MACROD2: variants seen among roughly 807,000 people sequenced by gnomAD.
MACROD2 encodes ADP-ribose glycohydrolase MACROD2.
Under a neutral mutation model 70.4 loss-of-function variants are expected in MACROD2, and 36 were observed. The observed-to-expected ratio is 0.51, with a 90% CI of 0.39 to 0.68. The LOEUF is 0.68. Among genes scored for constraint, MACROD2 ranks in the 30% least tolerant of loss-of-function variants. The pLI, the probability that MACROD2 is intolerant of heterozygous loss-of-function variation, is 0.00. For missense variants in MACROD2, 496 were observed against 538.4 expected (o/e 0.92, Z 0.78); for synonymous variants, 172 against 178.8 (o/e 0.96, Z 0.30).
At chr20:14,854,994 C>T (rs8182773) in intron 5 of MACROD2, among the ~76,000 whole-genome samples, 50,222 of 151,592 alleles carry the variant, frequency 0.33, 9,187 homozygotes, top group Non-Finnish European at 0.41. Context: ...CCAGCCTGGG[C>T]GACAGAATGA....
intron 4 of MACROD2, among the ~76,000 whole-genome samples, chr20:14,600,496 T>C (rs1175237762): frequency 6.6e-6 from 1 of 152,060 alleles, no homozygotes; most frequent in African/African-American, 2.4e-5. Flanking sequence ...TACAAAAATT[T>C]TTAAAAAGAA....
At chr20:14,453,724 A>T (rs61600898) in intron 3 of MACROD2, among the ~76,000 whole-genome samples, 4 of 152,150 alleles carry the variant, frequency 2.6e-5, no homozygotes, top group Non-Finnish European at 5.9e-5. Flanking sequence ...GAAATTACCT[A>T]TAGATCCACT....
intron 3 of MACROD2, among the ~76,000 whole-genome samples, chr20:14,201,898 A>G (rs1474224110): frequency 6.6e-6 from 1 of 151,130 alleles, no homozygotes; most frequent in Non-Finnish European, 1.5e-5. Flanking sequence ...AGTGGGATGG[A>G]TATATATATA....
intron 3 of MACROD2, among the ~76,000 whole-genome samples, chr20:14,175,814 T>C (rs1169103540): frequency 6.6e-6 from 1 of 152,236 alleles, no homozygotes; most frequent in African/African-American, 2.4e-5. Flanking sequence ...CTTCAAAAAC[T>C]GTCTTCTGAA....
intron 3 of MACROD2, among the ~76,000 whole-genome samples, chr20:14,255,668 T>C (rs1174790475): frequency 6.8e-6 from 1 of 147,806 alleles, no homozygotes; most frequent in Non-Finnish European, 1.5e-5. Context: ...ACATGTACCC[T>C]AATACTTAAA....
At chr20:14,281,452 C>T (rs1014272690) in intron 3 of MACROD2, among the ~76,000 whole-genome samples, 3 of 152,004 alleles carry the variant, frequency 2.0e-5, no homozygotes, top group Non-Finnish European at 1.5e-5. Flanking sequence ...ATGGGTATAG[C>T]GTTTCTTTTT....
chr20:14,773,626 A>G (rs1396259725), intron 5 of MACROD2, among the ~76,000 whole-genome samples: 1 of 152,080 alleles, frequency 6.6e-6, no homozygotes, highest in Non-Finnish European at 1.5e-5. Context: ...TAGGATGTGT[A>G]TATATGTCAC....
chr20:14,612,084 A>G (rs1210139631), intron 4 of MACROD2, among the ~76,000 whole-genome samples: 2 of 152,106 alleles, frequency 1.3e-5, no homozygotes, highest in Non-Finnish European at 2.9e-5. Context: ...ACTGGGCTCT[A>G]TCTGTTAAGA....
At chr20:15,059,044 T>C (rs2075510503) in intron 5 of MACROD2, among the ~76,000 whole-genome samples, 1 of 152,200 alleles carries the variant, frequency 6.6e-6, no homozygotes, top group Admixed American at 6.5e-5. Flanking sequence ...AAATTTAAAT[T>C]CCAATGTTGC....
intron 5 of MACROD2, among the ~76,000 whole-genome samples, chr20:15,056,593 ATAACTT>A (rs1441447466): frequency 6.6e-6 from 1 of 152,164 alleles, no homozygotes; most frequent in Admixed American, 6.5e-5. Flanking sequence ...TCAACAGTAA[ATAACTT>A]TAACATGGTC....
At chr20:15,164,003 A>G (rs2076365838) in intron 5 of MACROD2, among the ~76,000 whole-genome samples, 1 of 152,132 alleles carries the variant, frequency 6.6e-6, no homozygotes, top group African/African-American at 2.4e-5. Context: ...CAAAAAGTAA[A>G]GTAAATAAAT....
intron 3 of MACROD2, among the ~76,000 whole-genome samples, chr20:14,202,223 A>G (rs1201278664): frequency 6.6e-6 from 1 of 152,128 alleles, no homozygotes; most frequent in Admixed American, 6.5e-5. Flanking sequence ...TCTTTTCTTC[A>G]CCCAAAGTGA....
intron 8 of MACROD2, among the ~76,000 whole-genome samples, chr20:15,545,804 C>G (rs2048018518): frequency 6.6e-6 from 1 of 151,982 alleles, no homozygotes; most frequent in African/African-American, 2.4e-5. Context: ...AGAAATCAAG[C>G]CTATGGCAAA....
At chr20:14,674,822 C>T (rs181368225) in intron 4 of MACROD2, among the ~76,000 whole-genome samples, 2 of 152,292 alleles carry the variant, frequency 1.3e-5, no homozygotes, top group East Asian at 1.9e-4. Context: ...CTGTTGTATC[C>T]TCTTGGGCTT....
chr20:14,664,440 A>C (rs1268307331), intron 4 of MACROD2, among the ~76,000 whole-genome samples: 1 of 152,160 alleles, frequency 6.6e-6, no homozygotes, highest in East Asian at 1.9e-4. Flanking sequence ...TCATCTTTGT[A>C]ATAATAACCA....
At chr20:14,502,572 C>T in intron 4 of MACROD2, among the ~76,000 whole-genome samples, 1 of 152,060 alleles carries the variant, frequency 6.6e-6, no homozygotes, top group Non-Finnish European at 1.5e-5. Flanking sequence ...AACTAATTGC[C>T]CACTGTAAAA....
chr20:15,253,572 A>G (rs2077173719), intron 6 of MACROD2, among the ~76,000 whole-genome samples: 1 of 152,180 alleles, frequency 6.6e-6, no homozygotes, highest in African/African-American at 2.4e-5. Context: ...CTAGCGTAAT[A>G]AGTTATGATC....
At chr20:15,086,278 A>C (rs564745749) in intron 5 of MACROD2, among the ~76,000 whole-genome samples, 2 of 152,338 alleles carry the variant, frequency 1.3e-5, no homozygotes, top group Admixed American at 1.3e-4. Flanking sequence ...CTAGTTTAAA[A>C]AATGATTTGT....
intron 7 of MACROD2, among the ~76,000 whole-genome samples, chr20:15,484,010 C>T (rs1208163102): frequency 1.3e-5 from 2 of 151,386 alleles, no homozygotes; most frequent in Non-Finnish European, 2.9e-5. Flanking sequence ...TGGATAAAGA[C>T]AATTTTACTT....
Sources: allele counts gnomAD v4.1 joint callset (sites outside exome capture counted in the v4.1 genomes callset), GRCh38; gene constraint gnomAD v4.1.1; transcripts MANE v1.5; gene names NCBI Gene and HGNC (gene_info 2026-07-23, HGNC 2026-07-21).